The following PCDH19 variants were observed in gnomAD, a reference collection of about 807,000 sequenced individuals.
PCDH19 encodes protocadherin 19, also known as protocadherin-19.
In PCDH19, 6 loss-of-function variants were observed where a neutral mutation model predicts 46.2. The ratio of observed to expected loss-of-function variants is 0.13; its 90% CI spans 0.07 to 0.26. The LOEUF is 0.26. Among genes scored for constraint, PCDH19 ranks in the 10% least tolerant of loss-of-function variants. The probability of loss-of-function intolerance (pLI) is 1.00; values close to 1 mark genes in which losing one functional copy is unlikely to be tolerated. For synonymous variants in PCDH19, 481 were observed against 415.7 expected (o/e 1.16, Z -1.91); for missense variants, 740 against 972.3 (o/e 0.76, Z 3.18).
intron 3 of PCDH19, among the ~76,000 whole-genome samples, chrX:100,380,438 C>A (rs769634366): frequency 9.0e-5 from 10 of 111,611 alleles, no homozygotes; most frequent in Non-Finnish European, 1.7e-4. Context: ...TTTGTCCCCC[C>A]ACCCCATGAA....
chrX:100,346,989 ACT>A (rs908452333), intron 4 of PCDH19, among the ~76,000 whole-genome samples: 6 of 109,369 alleles, frequency 5.5e-5, no homozygotes, highest in East Asian at 5.8e-4. Flanking sequence ...TTCAGAAGAA[ACT>A]CTGCACTGCC....
intron 3 of PCDH19, among the ~76,000 whole-genome samples, chrX:100,397,054 C>T (rs1324844539): frequency 8.9e-6 from 1 of 111,765 alleles, no homozygotes; most frequent in Non-Finnish European, 1.9e-5. Context: ...GTGTCATTTC[C>T]ATGCTATCCA....
chrX:100,369,350 G>C (rs1387977865), intron 3 of PCDH19, among the ~76,000 whole-genome samples: 1 of 111,330 alleles, frequency 9.0e-6, no homozygotes, highest in Non-Finnish European at 1.9e-5. Flanking sequence ...TGTCAGTGGT[G>C]AGCATCTGTT....
Position 100,362,637 on chromosome X carries a change from C to CA in PCDH19, c.2617-11934dup, listed in dbSNP as rs1309137421. 6.0e-4 allele frequency among the ~76,000 whole-genome samples: 60 copies of CA among 100,199 alleles called. 1 individual carries two copies. Among genetic ancestry groups the CA allele is most frequent in the Admixed American group, 1.9e-3 (17 of 9,151 alleles). 87.0% of individuals were successfully genotyped at this position (100,199 alleles called of 115,157 possible). On this transcript the variant is annotated intron_variant, in intron 3 of 5. Coordinates refer to ENST00000373034, the MANE Select transcript of PCDH19 (RefSeq NM_001184880.2). ...TGAAACCCCGTCTCTACTAAAAATACAAAAAAAAAAATTAGCCGGGCGTGG... is the reference window on the plus strand; with the variant it reads ...TGAAACCCCGTCTCTACTAAAAATACAAAAAAAAAAAATTAGCCGGGCGTGG...
At chrX:100,305,616 T>C (rs1924921585) in intron 5 of PCDH19, among the ~76,000 whole-genome samples, 1 of 111,874 alleles carries the variant, frequency 8.9e-6, no homozygotes, top group Non-Finnish European at 1.9e-5. Context: ...ACTTAAAAGA[T>C]ACAGAATGGC....
At chrX:100,370,272 T>C (rs1202557148) in intron 3 of PCDH19, among the ~76,000 whole-genome samples, 3 of 112,393 alleles carry the variant, frequency 2.7e-5, no homozygotes, top group Non-Finnish European at 5.6e-5. Context: ...AACAACTAAT[T>C]ACTTCTGCTC....
chrX:100,410,200 G>A lies in PCDH19; in HGVS notation c.-1603C>T. The A allele has an allele frequency of 6.7e-6, 2 of 297,256 alleles. No individual in the cohort carries two copies. Among genetic ancestry groups the A allele is most frequent in the Non-Finnish European group, 1.2e-5 (2 of 170,378 alleles). 24.5% of individuals were successfully genotyped at this position (297,256 alleles called of 1,213,427 possible). A position where few individuals can be genotyped will look rare whatever the true frequency, so the allele number is the denominator to read the frequency against. On this transcript the variant is annotated 5_prime_UTR_variant, in exon 1 of 6. Transcript: ENST00000373034. Reference sequence around the variant, plus strand: ...GGGAGCTGTGCTGCCGTCTGTGCCCGCTCGTCCGTCTCCGCGCTGCGCCAG... The same window carrying A: ...GGGAGCTGTGCTGCCGTCTGTGCCCACTCGTCCGTCTCCGCGCTGCGCCAG...
At chrX:100,383,461 G>A (rs908718500) in intron 3 of PCDH19, among the ~76,000 whole-genome samples, 2 of 112,108 alleles carry the variant, frequency 1.8e-5, no homozygotes, top group African/African-American at 3.2e-5. Context: ...TGCCAGCTTT[G>A]CCTGATTAGA....
chrX:100,296,405 G>C lies in PCDH19; in HGVS notation c.3319C>G (p.Arg1107Gly), dbSNP rs191333060. 1.9e-3 allele frequency: 2,238 copies of C among 1,208,998 alleles called. 3 individuals are homozygous for C. Among genetic ancestry groups the C allele is most frequent in the Middle Eastern group, 8.3e-3 (36 of 4,351 alleles). ...YVNNVNNGPT[R>G]PSEAEPRGAD... ...CCACGGGGCTCAGCTTCAGAGGGAC[G>C]AGTAGGGCCATTGTTGACATTGTTG... Residue 1107 changes from arginine (R) to glycine (G), a missense_variant, in exon 6 of 6, where the codon CGT becomes GGT. Physicochemically the swap from Arg to Gly is moderately radical, Grantham distance 125. This residue lies in a region of PCDH19 where 416 missense variants were observed against 476.8 expected (regional missense o/e 0.87). Coordinates refer to ENST00000373034, the MANE Select transcript of PCDH19 (RefSeq NM_001184880.2).
intron 3 of PCDH19, among the ~76,000 whole-genome samples, chrX:100,366,573 G>A (rs777686621): frequency 2.7e-5 from 3 of 112,062 alleles, no homozygotes; most frequent in Non-Finnish European, 3.8e-5. Context: ...GTGAGCATTC[G>A]GATAGAGCTA....
chrX:100,384,859 T>C (rs1240857310), intron 3 of PCDH19, among the ~76,000 whole-genome samples: 2 of 111,503 alleles, frequency 1.8e-5, no homozygotes, highest in African/African-American at 3.3e-5. Context: ...ATGGGACTGG[T>C]ACTAATTTAT....
chrX:100,343,881 C>T (rs1387005744), intron 4 of PCDH19, among the ~76,000 whole-genome samples: 6 of 112,032 alleles, frequency 5.4e-5, no homozygotes, highest in African/African-American at 1.6e-4. Flanking sequence ...TGGACATTCA[C>T]AGGCCTGGCT....
chrX:100,350,692 A>C lies in PCDH19; in HGVS notation c.2629T>G (p.Ser877Ala). Residue 877 changes from serine to alanine, a missense_variant, in exon 4 of 6, where the codon TCT (serine) becomes GCT (alanine). By Grantham distance (99) the Ser-to-Ala change is moderately conservative (BLOSUM62 1). Around this residue, in one of 5 missense-constraint regions of PCDH19, gnomAD observed 416 missense variants for 476.8 expected, o/e 0.87. Coordinates refer to ENST00000373034, the MANE Select transcript of PCDH19 (RefSeq NM_001184880.2). ...GVPLPETENY[S>A]FDSNYVNSRA... is the part of the protein sequence containing the mutation. ...CTATTCACGTAGTTGGAGTCAAAAG[A>C]ATAGTTTTCAGTCTGCAATGAGAAG... 8.5e-7 allele frequency: 1 copy of C among 1,174,790 alleles called. No individual in the cohort carries two copies. The highest frequency in any genetic ancestry group is 1.2e-6 in the Non-Finnish European group (1 of 861,785).
At chrX:100,404,723 G>C (rs1438578784) in intron 1 of PCDH19, among the ~76,000 whole-genome samples, 1 of 109,759 alleles carries the variant, frequency 9.1e-6, no homozygotes, top group African/African-American at 3.3e-5. Flanking sequence ...AGGTGGCAAA[G>C]CCTTCAATAT....
chrX:100,338,224 C>G (rs1256999760), intron 5 of PCDH19, among the ~76,000 whole-genome samples: 2 of 107,580 alleles, frequency 1.9e-5, no homozygotes, highest in African/African-American at 3.4e-5. Flanking sequence ...CGCCTGTAGT[C>G]CCAGCTACTT....
chrX:100,391,370 C>T (rs920995707), intron 3 of PCDH19, among the ~76,000 whole-genome samples: 2 of 111,572 alleles, frequency 1.8e-5, no homozygotes, highest in African/African-American at 6.5e-5. Flanking sequence ...TGGCAGAACT[C>T]GCGTTGGACA....
chrX:100,402,969 G>C (rs1333832173), intron 2 of PCDH19, 118 bp from the exon 3 acceptor site: 5 of 553,653 alleles, frequency 9.0e-6, no homozygotes, highest in Non-Finnish European at 1.5e-5. Context: ...CCTTATTCTG[G>C]TGCATTACAT....
At position 100,406,356 on chromosome X, in the gene PCDH19, T is replaced by C. The variant is rs1022794059; in HGVS notation, c.2147+95A>G. On this transcript the variant is annotated intron_variant, in intron 1 of 5. Coordinates refer to ENST00000373034, the MANE Select transcript of PCDH19 (RefSeq NM_001184880.2). ...AAGCACTGCAAGTATGCTGCATGCA[T>C]TTAAGTAGGAAACAAAAGCACCAGG... is the stretch of plus-strand genomic sequence containing the variant. The C allele has an allele frequency of 7.1e-6, 5 of 704,034 alleles. No homozygotes were observed. The South Asian group carries it at 9.3e-5, about 13-fold the overall frequency. The allele number at this position is 704,034 out of a possible 1,213,427, so 58.0% of individuals were successfully genotyped here. A position where few individuals can be genotyped will look rare whatever the true frequency, so the allele number is the denominator to read the frequency against.
chrX:100,348,081 A>G (rs1486714109), intron 4 of PCDH19, among the ~76,000 whole-genome samples: 4 of 108,029 alleles, frequency 3.7e-5, no homozygotes, highest in African/African-American at 1.4e-4. Flanking sequence ...AAAAAAAAAA[A>G]AAAAAGAAAG....
Sources: allele counts gnomAD v4.1 joint callset (sites outside exome capture counted in the v4.1 genomes callset), GRCh38; gene constraint gnomAD v4.1.1; regional missense constraint gnomAD v4.1.1; transcripts MANE v1.5; gene names NCBI Gene and HGNC (gene_info 2026-07-23, HGNC 2026-07-21).